KLRG2: variants seen among roughly 807,000 people sequenced by gnomAD.
The protein encoded by KLRG2 is killer cell lectin like receptor G2, also known as killer cell lectin-like receptor subfamily G member 2.
In KLRG2, 39 loss-of-function variants were observed where a neutral mutation model predicts 35.4. The observed-to-expected ratio is 1.10, with a 90% CI of 0.85 to 1.44. The LOEUF (loss-of-function observed/expected upper bound fraction) is 1.44, where lower values mean the gene tolerates loss of function less well. KLRG2 is among the 40% of genes most tolerant of loss of function. KLRG2 has a pLI of 0.00. For synonymous variants in KLRG2, 283 were observed against 265.8 expected, an observed-to-expected ratio of 1.06 and a Z score of -0.63; for missense variants, 632 against 570.9, an observed-to-expected ratio of 1.11 and a Z score of -1.09.
chr7:139,453,601 T>C lies in KLRG2; in HGVS notation c.1216A>G (p.Lys406Glu). The C allele has an allele frequency of 6.2e-7, 1 of 1,604,696 alleles. No homozygotes were observed. Among genetic ancestry groups the C allele is most frequent in the Non-Finnish European group, 8.5e-7 (1 of 1,175,830 alleles). Reference protein sequence around the residue: ...CSTPRPWVCAKGTQ With the variant: ...CSTPRPWVCAEGTQ ...CAGAGCCCAGATCACTGGGTCCCCT[T>C]GGCACAGACCCAGGGTCTTGGAGTG... Residue 406 changes from lysine (K) to glutamate (E), a missense_variant, in exon 5 of 5, where the codon AAG becomes GAG. Lys to Glu is a moderately conservative substitution (Grantham distance 56, BLOSUM62 1). Transcript: ENST00000340940.
At chr7:139,438,496 C>T in the KLRG2 span, among the ~76,000 whole-genome samples, 2 of 152,102 alleles carry the variant, frequency 1.3e-5, no homozygotes, top group South Asian at 2.1e-4. Flanking sequence ...GGATTAGAGG[C>T]GTGAGCCACT....
At chr7:139,458,178 G>A (rs911237809) in intron 3 of KLRG2, among the ~76,000 whole-genome samples, 1 of 152,100 alleles carries the variant, frequency 6.6e-6, no homozygotes, top group African/African-American at 2.4e-5. Context: ...AGGAGTTTGA[G>A]ACCAGCCTGG....
intron 3 of KLRG2, among the ~76,000 whole-genome samples, chr7:139,460,846 C>T (rs1796556273): frequency 1.3e-5 from 2 of 152,128 alleles, no homozygotes; most frequent in Admixed American, 1.3e-4. Flanking sequence ...GTAATTCTAG[C>T]TACTTGGGAG....
chr7:139,470,743 G>C (rs184689716), intron 3 of KLRG2, among the ~76,000 whole-genome samples: 3 of 152,070 alleles, frequency 2.0e-5, no homozygotes, highest in African/African-American at 7.2e-5. Flanking sequence ...AGCGAGCTAT[G>C]ATGGCACCAC....
rs1248499400 is a variant in KLRG2, at chr7:139,483,567, C to T, written c.76G>A (p.Val26Ile). The change falls in exon 1 of 5, where the codon GTC (valine) becomes ATC (isoleucine). Residue 26 changes from valine to isoleucine, a missense_variant. Transcript: ENST00000340940. Reference sequence around the variant, plus strand: ...ACCTGCGGCTGCTCCAGCGTGGGGACCAGGCTTCCCACGGGCTCCATTGGG... The same window carrying T: ...ACCTGCGGCTGCTCCAGCGTGGGGATCAGGCTTCCCACGGGCTCCATTGGG... Reference protein sequence around the residue: ...ELPMEPVGSLVPTLEQPQVPA... With the variant: ...ELPMEPVGSLIPTLEQPQVPA... 6.3e-6 allele frequency: 10 copies of T among 1,597,990 alleles called. No individual in the cohort carries two copies. Among genetic ancestry groups the T allele is most frequent in the Non-Finnish European group, 8.5e-6 (10 of 1,178,740 alleles).
downstream of KLRG2, among the ~76,000 whole-genome samples, chr7:139,448,351 A>G (rs372185068): frequency 2.0e-5 from 3 of 152,304 alleles, no homozygotes; most frequent in South Asian, 6.2e-4. Flanking sequence ...ATTGAAGACC[A>G]GTCAGTCTGT....
At chr7:139,473,844 AG>A (rs1310212955) in intron 3 of KLRG2, among the ~76,000 whole-genome samples, 10 of 152,186 alleles carry the variant, frequency 6.6e-5, no homozygotes, top group Non-Finnish European at 1.5e-4. Flanking sequence ...AGGTCAAAAC[AG>A]TTCTAAAAAT....
chr7:139,441,033 C>G, the KLRG2 span, among the ~76,000 whole-genome samples: 1 of 152,130 alleles, frequency 6.6e-6, no homozygotes, highest in Admixed American at 6.6e-5. Context: ...CACCTGAGGT[C>G]AGGAGTTCAA....
At chr7:139,472,537 G>C (rs1276771310) in intron 3 of KLRG2, among the ~76,000 whole-genome samples, 1 of 151,558 alleles carries the variant, frequency 6.6e-6, no homozygotes, top group Non-Finnish European at 1.5e-5. Context: ...TTGAGCCCAG[G>C]AGTTTAAGAC....
intron 3 of KLRG2, among the ~76,000 whole-genome samples, chr7:139,474,126 A>G (rs189137148): frequency 8.1e-4 from 121 of 149,740 alleles, no homozygotes; most frequent in Admixed American, 1.6e-3. Flanking sequence ...AAGCAATTCT[A>G]GTACCTCAGC....
chr7:139,473,751 A>G (rs1261640719), intron 3 of KLRG2, among the ~76,000 whole-genome samples: 3 of 152,196 alleles, frequency 2.0e-5, no homozygotes, highest in Middle Eastern at 3.2e-3. Flanking sequence ...AGGTGGGCAG[A>G]TCACCCGAGG....
In KLRG2 at chr7:139,483,006, G is replaced by A; in HGVS notation, c.637C>T (p.Pro213Ser). ...CAGCGGCAGCACGTGGGGGAGCCCG[G>A]GGAGCCGGCGCTTCCTTCCGCGGGG... The part of the protein sequence containing the change: ...ASPAEGSAGS[P>S]GSPTCCRCKE... Residue 213 changes from proline to serine, a missense_variant, in exon 1 of 5, where the codon CCG becomes TCG. Pro to Ser is a moderately conservative substitution (Grantham distance 74). Transcript: ENST00000340940. 1 of 1,375,148 alleles carries A rather than the reference G, an allele frequency of 7.3e-7. No homozygotes were observed. Among genetic ancestry groups the A allele is most frequent in the East Asian group, 3.1e-5 (1 of 32,584 alleles). 85.2% of individuals were successfully genotyped at this position (1,375,148 alleles called of 1,614,324 possible). A position where few individuals can be genotyped will look rare whatever the true frequency, so the allele number is the denominator to read the frequency against.
the KLRG2 span, among the ~76,000 whole-genome samples, chr7:139,438,571 TAA>T: frequency 2.0e-5 from 3 of 152,132 alleles, no homozygotes; most frequent in African/African-American, 7.2e-5. Context: ...GGGCTGAAAG[TAA>T]AAAGACAACA....
the KLRG2 span, among the ~76,000 whole-genome samples, chr7:139,427,891 T>C: frequency 6.6e-6 from 1 of 152,244 alleles, no homozygotes; most frequent in Non-Finnish European, 1.5e-5. Flanking sequence ...ATCCTGTGGT[T>C]ACTCGAAGGG....
chr7:139,439,650 A>C, the KLRG2 span, among the ~76,000 whole-genome samples: 1 of 152,150 alleles, frequency 6.6e-6, no homozygotes, highest in Non-Finnish European at 1.5e-5. Flanking sequence ...TTCCTCCCCA[A>C]TTTCTGGCAC....
At chr7:139,439,551 A>T in the KLRG2 span, among the ~76,000 whole-genome samples, 1 of 152,148 alleles carries the variant, frequency 6.6e-6, no homozygotes, top group Admixed American at 6.5e-5. Context: ...AGCAGCCGAC[A>T]CTCATGAGGG....
the KLRG2 span, among the ~76,000 whole-genome samples, chr7:139,430,893 C>T: frequency 2.6e-5 from 4 of 151,746 alleles, no homozygotes; most frequent in Non-Finnish European, 1.5e-5. Flanking sequence ...CCTATAATCC[C>T]AGCTACTTGG....
intron 3 of KLRG2, among the ~76,000 whole-genome samples, chr7:139,466,697 T>C (rs1348740703): frequency 6.7e-6 from 1 of 149,684 alleles, no homozygotes; most frequent in Non-Finnish European, 1.5e-5. Context: ...CATTTCTCTT[T>C]CCTCCAAAAT....
intron 3 of KLRG2, among the ~76,000 whole-genome samples, chr7:139,463,928 T>C (rs1328177654): frequency 6.6e-6 from 1 of 152,156 alleles, no homozygotes; most frequent in Non-Finnish European, 1.5e-5. Context: ...TCCATAACTG[T>C]TGTGGGTGTT....
Sources: gnomAD v4.1 joint callset for allele counts (sites outside exome capture counted in the v4.1 genomes callset) on GRCh38, gnomAD v4.1.1 for gene constraint, MANE v1.5 for transcripts, NCBI Gene and HGNC (gene_info 2026-07-23, HGNC 2026-07-21) for gene names.